The following DCTN1 variants were observed in gnomAD, a reference collection of about 807,000 sequenced individuals.
DCTN1 encodes dynactin subunit 1, also known as 150 kDa dynein-associated polypeptide.
Under a neutral mutation model 161.2 loss-of-function variants are expected in DCTN1, and 61 were observed. That is an observed-to-expected ratio of 0.38 (90% CI 0.31 to 0.47). The LOEUF (loss-of-function observed/expected upper bound fraction) is 0.47. DCTN1 is among the 20% of genes least tolerant of loss of function. The pLI, the probability that DCTN1 is intolerant of heterozygous loss-of-function variation, is 0.99. For synonymous variants in DCTN1, 653 were observed against 632.4 expected, an observed-to-expected ratio of 1.03 and a Z score of -0.49; for missense variants, 1,404 against 1,623.7, an observed-to-expected ratio of 0.86 and a Z score of 2.33.
chr2:74,383,066 A>G (rs1386947335), upstream of DCTN1, among the ~76,000 whole-genome samples: 1 of 151,074 alleles, frequency 6.6e-6, no homozygotes, highest in Admixed American at 6.6e-5. Flanking sequence ...TGGGCGACAG[A>G]GCGAGACTCC....
Position 74,366,452 on chromosome 2 carries a change from G to A in DCTN1, c.2628+7C>T, listed in dbSNP as rs1431486835. 1.9e-6 allele frequency: 3 copies of A among 1,614,084 alleles called. No homozygotes were observed. Among genetic ancestry groups the A allele is most frequent in the Admixed American group, 3.3e-5 (2 of 60,004 alleles). ...CCCACACCTTCTACCCAGCCATCCA[G>A]GCCCACCTGCTCGCTTGCTTTGAAA... On this transcript the variant is annotated splice_region_variant and intron_variant, in intron 22 of 31. Coordinates refer to ENST00000628224, the MANE Select transcript of DCTN1 (RefSeq NM_004082.5).
intron 16 of DCTN1, 54 bp downstream of exon 16, chr2:74,368,674 G>A: frequency 6.2e-7 from 1 of 1,612,762 alleles, no homozygotes; most frequent in Middle Eastern, 1.6e-4. Context: ...TTCAATGCCT[G>A]GTTCATGGCA....
At chr2:74,378,477 A>T (rs1254227498) in intron 1 of DCTN1, among the ~76,000 whole-genome samples, 3 of 152,206 alleles carry the variant, frequency 2.0e-5, no homozygotes, top group African/African-American at 7.2e-5. Flanking sequence ...TTAAGTTTAT[A>T]TTTTTTATAA....
chr2:74,380,641 C>A, upstream of DCTN1: 1 of 457,168 alleles, frequency 2.2e-6, no homozygotes, highest in Non-Finnish European at 4.5e-6. Context: ...GCTCTTCTCT[C>A]TCCCTCCCCT....
Position 74,370,111 on chromosome 2 carries a change from A to C in DCTN1, c.1288-42T>G, listed in dbSNP as rs367630732. 4.8e-5 allele frequency: 77 copies of C among 1,614,082 alleles called. No homozygotes were observed. Among genetic ancestry groups the C allele is most frequent in the Admixed American group, 2.7e-4 (16 of 60,026 alleles). ...ATAGGGAGAAGGGCTGCTGGAAGGT[A>C]CCTAGAAAGAGGAGGCATCAACTGA... On this transcript the variant is annotated intron_variant, in intron 12 of 31. Coordinates refer to ENST00000628224, the MANE Select transcript of DCTN1 (RefSeq NM_004082.5). The surrounding 1 kb of genome is among the most constrained non-coding windows in gnomAD (Gnocchi z 4.4).
intron 8 of DCTN1, 175 bp downstream of exon 8, chr2:74,371,362 G>C (rs1020707088): frequency 7.4e-7 from 1 of 1,357,442 alleles, no homozygotes; most frequent in African/African-American, 1.5e-5. Flanking sequence ...TATGGCATAA[G>C]GGCAAGAAAG....
chr2:74,381,828 C>A (rs1208414576), upstream of DCTN1, among the ~76,000 whole-genome samples: 2 of 152,108 alleles, frequency 1.3e-5, no homozygotes, highest in Non-Finnish European at 2.9e-5. Context: ...CTGAGATAAT[C>A]CAAACAAAGC....
At chr2:74,376,868 A>AGTAGGGGTAG in intron 4 of DCTN1, 106 bp from the exon 5 acceptor site, 1 of 983,846 alleles carries the variant, frequency 1.0e-6, no homozygotes, top group Non-Finnish European at 1.6e-6. Flanking sequence ...GGGGGGAGTC[A>AGTAGGGGTAG]GGGTGAGATG....
upstream of DCTN1, among the ~76,000 whole-genome samples, chr2:74,384,635 G>A (rs1675651600): frequency 6.6e-6 from 1 of 152,218 alleles, no homozygotes; most frequent in Non-Finnish European, 1.5e-5. Flanking sequence ...AGGAGAAAGT[G>A]AGGAGGAAAA....
Position 74,367,140 on chromosome 2 carries a change from C to G in DCTN1, c.2254-33G>C, listed in dbSNP as rs770213316. The G allele has an allele frequency of 3.1e-6, 5 of 1,613,102 alleles. No individual in the cohort carries two copies. The Middle Eastern group carries it at 6.7e-4, about 216-fold the overall frequency. ...GATAGAAGCATGCAATCATCAGCCC[C>G]CAGCAGGAGCCCTTCTGCCTTATCA... On this transcript the variant is annotated intron_variant, in intron 19 of 31. Coordinates refer to ENST00000628224, the MANE Select transcript of DCTN1 (RefSeq NM_004082.5).
intron 7 of DCTN1, among the ~76,000 whole-genome samples, chr2:74,372,433 C>G (rs1428616942): frequency 6.6e-6 from 1 of 152,202 alleles, no homozygotes; most frequent in Non-Finnish European, 1.5e-5. Context: ...GAGGAGCTGA[C>G]CTGAAGTTCA....
Position 74,369,247 on chromosome 2 carries a change from C to A in DCTN1, c.1585-33G>T. The stretch of plus-strand genomic sequence containing the variant: ...GAGAGACAGTGAAGCACAGCTGGGT[C>A]ATAAGGAAGCCCTGGGGTGATGGTG... On this transcript the variant is annotated intron_variant, in intron 14 of 31. Coordinates refer to ENST00000628224, the MANE Select transcript of DCTN1 (RefSeq NM_004082.5). This position sits in a 1 kb window ranked among gnomAD's most constrained non-coding sequence, Gnocchi z 4.9. The A allele has an allele frequency of 6.2e-7, 1 of 1,614,184 alleles. No homozygotes were observed. The highest frequency in any genetic ancestry group is 1.1e-5 in the South Asian group (1 of 91,074).
rs1675312492 is a variant in DCTN1 at position 74,377,815 on chromosome 2, A to G, written c.280-89T>C. On this transcript the variant is annotated intron_variant, in intron 2 of 31. Coordinates refer to ENST00000628224, the MANE Select transcript of DCTN1 (RefSeq NM_004082.5). Reference sequence around the variant, plus strand: ...AATATGGGCCCCTCCCCAGGCTCCAAGCAAACCAAGAGTACAGGGCAGCTT... The same window carrying G: ...AATATGGGCCCCTCCCCAGGCTCCAGGCAAACCAAGAGTACAGGGCAGCTT... The G allele has an allele frequency of 2.0e-6, 3 of 1,483,878 alleles. No individual in the cohort carries two copies. In the South Asian group the frequency reaches 3.4e-5, roughly 17 times the overall value. The allele number at this position is 1,483,878 out of a possible 1,614,324, so 91.9% of individuals were successfully genotyped here. A position where few individuals can be genotyped will look rare whatever the true frequency, so the allele number is the denominator to read the frequency against.
chr2:74,376,743 T>C lies in DCTN1; in HGVS notation c.413A>G (p.Lys138Arg). The C allele has an allele frequency of 6.2e-7, 1 of 1,604,840 alleles. No individual in the cohort carries two copies. The highest frequency in any genetic ancestry group is 1.1e-5 in the South Asian group (1 of 88,906). Reference sequence around the variant, plus strand: ...AGGCACAAATAGTAAACACACCACCTTCTTAGGCTTCAGTCCCCGCTGCAT... The same window carrying C: ...AGGCACAAATAGTAAACACACCACCCTCTTAGGCTTCAGTCCCCGCTGCAT... ...TSKLRGLKPK[K>R]APTARKTTTR... is the part of the protein sequence containing the mutation. Residue 138 changes from lysine (K) to arginine (R), a missense_variant and splice_region_variant, in exon 5 of 32, where the codon AAG becomes AGG. By Grantham distance (26) the Lys-to-Arg change is conservative. Coordinates refer to ENST00000628224, the MANE Select transcript of DCTN1 (RefSeq NM_004082.5).
intron 1 of DCTN1, among the ~76,000 whole-genome samples, chr2:74,389,959 A>C (rs563268597): frequency 6.6e-6 from 1 of 152,278 alleles, no homozygotes; most frequent in African/African-American, 2.4e-5. Flanking sequence ...ATCTGCTAAA[A>C]TACTGCTTTG....
rs747010891 is a variant in DCTN1, at chr2:74,370,834, G to A, written c.844-9C>T. On this transcript the variant is annotated splice_polypyrimidine_tract_variant and intron_variant, in intron 9 of 31. Coordinates refer to ENST00000628224, the MANE Select transcript of DCTN1 (RefSeq NM_004082.5). The surrounding 1 kb of genome is among the most constrained non-coding windows in gnomAD (Gnocchi z 4.4). ...AGCGCCTCCTTGGCTTCCTGAGGAA[G>A]AAGTGGAGGTGGGAGGGGGTACCAG... The A allele has an allele frequency of 1.2e-6, 2 of 1,614,172 alleles. No homozygotes were observed. The highest frequency in any genetic ancestry group is 2.2e-5 in the South Asian group (2 of 91,088).
rs3815241 is a variant in DCTN1, at chr2:74,377,768, T to C, written c.280-42A>G. 0.1 allele frequency: 162,307 copies of C among 1,579,042 alleles called. 13,234 individuals carry two copies. The highest frequency in any genetic ancestry group is 0.51 in the East Asian group (22,929 of 44,640). On this transcript the variant is annotated intron_variant, in intron 2 of 31. Coordinates refer to ENST00000628224, the MANE Select transcript of DCTN1 (RefSeq NM_004082.5). ...TATAGCCAGATCAATAGTTTCAATA[T>C]AGCCAGATCAAGGACGGCTGTAATA...
chr2:74,363,499 T>A (rs906584176), intron 27 of DCTN1, 72 bp from the exon 28 acceptor site: 1 of 1,599,038 alleles, frequency 6.3e-7, no homozygotes, highest in Non-Finnish European at 8.5e-7. Flanking sequence ...TTCCTACTCT[T>A]CCCCTTTCCT....
rs374012118 is a variant in DCTN1 at position 74,364,980 on chromosome 2, G to C, written c.3196+95C>G. Reference sequence around the variant, plus strand: ...AGCATGTTCCTGGCTGAATACCCGGGGGTAAGGGGGGTGGGGCAGAGGTCA... The same window carrying C: ...AGCATGTTCCTGGCTGAATACCCGGCGGTAAGGGGGGTGGGGCAGAGGTCA... On this transcript the variant is annotated intron_variant, in intron 26 of 31. Coordinates refer to ENST00000628224, the MANE Select transcript of DCTN1 (RefSeq NM_004082.5). 1.4e-5 allele frequency: 22 copies of C among 1,524,564 alleles called. No individual in the cohort carries two copies. In the East Asian group the frequency reaches 2.9e-4, roughly 20 times the overall value. The allele number at this position is 1,524,564 out of a possible 1,614,324, so 94.4% of individuals were successfully genotyped here. A position where few individuals can be genotyped will look rare whatever the true frequency, so the allele number is the denominator to read the frequency against.
Sources: allele counts gnomAD v4.1 joint callset (sites outside exome capture counted in the v4.1 genomes callset), GRCh38; gene constraint gnomAD v4.1.1; non-coding constraint Gnocchi (gnomAD v3.1); transcripts MANE v1.5; gene names NCBI Gene and HGNC (gene_info 2026-07-23, HGNC 2026-07-21).